The following CDH10 variants were observed in gnomAD, a reference collection of about 807,000 sequenced individuals.
CDH10 encodes the protein cadherin-10.
In CDH10, 30 loss-of-function variants were observed where a neutral mutation model predicts 73.1. That is an observed-to-expected ratio of 0.41 (90% CI 0.31 to 0.56). The LOEUF is 0.56. Ranked by LOEUF, CDH10 falls within the 20% of genes least tolerant of loss-of-function variation. The pLI, the probability that CDH10 is intolerant of heterozygous loss-of-function variation, is 0.27. For synonymous variants in CDH10, 345 were observed against 348.2 expected (o/e 0.99, Z 0.10); for missense variants, 815 against 973.7 (o/e 0.84, Z 2.17).
intron 5 of CDH10, among the ~76,000 whole-genome samples, chr5:24,534,554 T>G (rs1355560341): frequency 6.6e-6 from 1 of 152,132 alleles, no homozygotes; most frequent in Non-Finnish European, 1.5e-5. Flanking sequence ...AAAATAGATC[T>G]ATGCATAGAT....
intron 5 of CDH10, among the ~76,000 whole-genome samples, chr5:24,512,994 CTTTCT>C (rs148523728): frequency 0.47 from 70,886 of 149,504 alleles, 16,906 homozygotes; most frequent in East Asian, 0.57. Flanking sequence ...TGCTTTCTCT[CTTTCT>C]TTTCTTTTCT....
chr5:24,536,789 T>C (rs1488717588), intron 3 of CDH10, among the ~76,000 whole-genome samples: 2 of 152,018 alleles, frequency 1.3e-5, no homozygotes, highest in Non-Finnish European at 1.5e-5. Flanking sequence ...TGTATCAGTA[T>C]GTATTTAACC....
chr5:24,538,734 G>T (rs954633837), intron 2 of CDH10, among the ~76,000 whole-genome samples: 16 of 152,052 alleles, frequency 1.1e-4, no homozygotes, highest in African/African-American at 3.9e-4. Flanking sequence ...GAATGTTTGG[G>T]CAGGAAATAA....
At chr5:24,541,148 GGGATACA>G in intron 2 of CDH10, among the ~76,000 whole-genome samples, 1 of 151,978 alleles carries the variant, frequency 6.6e-6, no homozygotes, top group African/African-American at 2.4e-5. Flanking sequence ...TGAAACTGAT[GGGATACA>G]GGAACTAAGT....
At chr5:24,575,725 T>A (rs1037828384) in intron 2 of CDH10, among the ~76,000 whole-genome samples, 1 of 152,158 alleles carries the variant, frequency 6.6e-6, no homozygotes, top group African/African-American at 2.4e-5. Flanking sequence ...TTTCCAGTGA[T>A]GGAAATATTC....
intron 9 of CDH10, among the ~76,000 whole-genome samples, chr5:24,493,369 CAG>C (rs1742135051): frequency 1.3e-5 from 2 of 151,786 alleles, no homozygotes; most frequent in African/African-American, 2.4e-5. Flanking sequence ...TACTTTTTAA[CAG>C]AGTCTTAAAC....
intron 1 of CDH10, among the ~76,000 whole-genome samples, chr5:24,606,730 T>C (rs1340684907): frequency 6.6e-6 from 1 of 152,238 alleles, no homozygotes; most frequent in African/African-American, 2.4e-5. Context: ...TTTTAATAAT[T>C]GAAAACGTTT....
intron 1 of CDH10, among the ~76,000 whole-genome samples, chr5:24,606,110 T>C (rs1746751781): frequency 6.6e-6 from 1 of 152,210 alleles, no homozygotes; most frequent in Non-Finnish European, 1.5e-5. Flanking sequence ...GATGGAAATG[T>C]TCTCCATGTT....
Position 24,518,143 on chromosome 5 carries a change from CCTAA to C in CDH10, c.815-6633_815-6630del, listed in dbSNP as rs1418948696. On this transcript the variant is annotated intron_variant, in intron 5 of 11. Coordinates refer to ENST00000264463, the MANE Select transcript of CDH10 (RefSeq NM_006727.5). ...CAGACAAGAAAACCTCTAAGCTTGTCCTAACTAAGAGGACGTTTCCTGGCTGCTT... is the reference window on the plus strand; with the variant it reads ...CAGACAAGAAAACCTCTAAGCTTGTCCTAAGAGGACGTTTCCTGGCTGCTT... Among the ~76,000 whole-genome samples, 6 of 152,148 alleles carry C rather than the reference CCTAA, an allele frequency of 3.9e-5. No individual in the cohort carries two copies. The East Asian group carries it at 1.2e-3, about 29-fold the overall frequency.
intron 5 of CDH10, among the ~76,000 whole-genome samples, chr5:24,514,118 A>G (rs1727960222): frequency 1.3e-5 from 2 of 152,180 alleles, no homozygotes; most frequent in Non-Finnish European, 2.9e-5. Context: ...TGTATTGTAC[A>G]TTGTATAGAA....
chr5:24,535,072 A>C, intron 5 of CDH10, 40 bp downstream of exon 5: 1 of 1,504,072 alleles, frequency 6.6e-7, no homozygotes, highest in East Asian at 2.4e-5. Flanking sequence ...TTTTACTCTA[A>C]ATCTTTTGCC....
At chr5:24,568,981 G>C (rs1452943744) in intron 2 of CDH10, among the ~76,000 whole-genome samples, 1 of 151,776 alleles carries the variant, frequency 6.6e-6, no homozygotes, top group Non-Finnish European at 1.5e-5. Context: ...GTGGTGGCAG[G>C]CACCTGTAAT....
intron 4 of CDH10, 51 bp from the exon 5 acceptor site, chr5:24,535,330 T>C (rs1743913650): frequency 2.7e-6 from 4 of 1,503,550 alleles, no homozygotes; most frequent in Non-Finnish European, 3.6e-6. Context: ...ATCTCCATTG[T>C]TATTTTATTA....
intron 1 of CDH10, among the ~76,000 whole-genome samples, chr5:24,642,063 C>T (rs1052809758): frequency 2.0e-5 from 3 of 151,998 alleles, no homozygotes; most frequent in African/African-American, 7.2e-5. Context: ...TTTTAATACC[C>T]AAGGGCTACA....
intron 2 of CDH10, among the ~76,000 whole-genome samples, chr5:24,540,446 T>C (rs938860054): frequency 2.0e-5 from 3 of 151,946 alleles, no homozygotes; most frequent in Non-Finnish European, 2.9e-5. Flanking sequence ...GCAGGATTTA[T>C]TATCTTCACT....
chr5:24,602,522 G>A (rs994016576), intron 1 of CDH10, among the ~76,000 whole-genome samples: 2 of 152,108 alleles, frequency 1.3e-5, no homozygotes, highest in African/African-American at 4.8e-5. Context: ...CTGAATTTGT[G>A]CATGGTGATA....
intron 11 of CDH10, among the ~76,000 whole-genome samples, chr5:24,488,627 ATACTGAG>A: frequency 6.6e-6 from 1 of 152,122 alleles, no homozygotes; most frequent in Non-Finnish European, 1.5e-5. Context: ...CATTCACAAC[ATACTGAG>A]TACTGACTTC....
intron 2 of CDH10, among the ~76,000 whole-genome samples, chr5:24,581,805 A>G (rs1745813024): frequency 6.6e-6 from 1 of 152,188 alleles, no homozygotes; most frequent in South Asian, 2.1e-4. Context: ...GGAACCCTTA[A>G]AAATTGTGTT....
intron 2 of CDH10, among the ~76,000 whole-genome samples, chr5:24,572,852 C>A (rs1667965989): frequency 7.1e-6 from 1 of 140,628 alleles, no homozygotes; most frequent in Non-Finnish European, 1.5e-5. Context: ...CACATATGAT[C>A]TGTAAAAAAC....
Sources: gnomAD v4.1 joint callset for allele counts (sites outside exome capture counted in the v4.1 genomes callset) on GRCh38, gnomAD v4.1.1 for gene constraint, MANE v1.5 for transcripts, NCBI Gene and HGNC (gene_info 2026-07-23, HGNC 2026-07-21) for gene names.